Variants in ANKS1B observed in about 807,000 individuals in gnomAD.
ANKS1B encodes the protein ankyrin repeat and sterile alpha motif domain-containing protein 1B.
A neutral mutation model predicts 148.3 loss-of-function variants in ANKS1B; 36 were observed. That is an observed-to-expected ratio of 0.24 (90% CI 0.19 to 0.32). The LOEUF is 0.32. Ranked by LOEUF, ANKS1B falls within the 10% of genes least tolerant of loss-of-function variation. ANKS1B has a pLI of 1.00. For synonymous variants in ANKS1B, 542 were observed against 560.8 expected, an observed-to-expected ratio of 0.97 and a Z score of 0.47; for missense variants, 1,157 against 1,542.6, an observed-to-expected ratio of 0.75 and a Z score of 4.19.
intron 8 of ANKS1B, among the ~76,000 whole-genome samples, chr12:99,739,247 C>A (rs752862901): frequency 6.9e-6 from 1 of 144,946 alleles, no homozygotes; most frequent in Non-Finnish European, 1.5e-5. Flanking sequence ...CATCTAGTAT[C>A]TTGGGGCTTC....
chr12:99,480,618 G>C (rs1227194761), intron 10 of ANKS1B, among the ~76,000 whole-genome samples: 1 of 151,904 alleles, frequency 6.6e-6, no homozygotes, highest in Admixed American at 6.6e-5. Context: ...GTGTTAATTA[G>C]GCAGTGTCTC....
intron 16 of ANKS1B, among the ~76,000 whole-genome samples, chr12:99,063,071 A>G (rs1021287469): frequency 1.1e-4 from 16 of 152,110 alleles, no homozygotes; most frequent in Non-Finnish European, 2.4e-4. Flanking sequence ...TCAGATACAA[A>G]CACAGCAACC....
intron 25 of ANKS1B, among the ~76,000 whole-genome samples, chr12:98,765,777 G>A (rs1204417451): frequency 6.6e-6 from 1 of 152,176 alleles, no homozygotes; most frequent in African/African-American, 2.4e-5. Context: ...TGTATCTTTA[G>A]TAGAGACAGG....
intron 1 of ANKS1B, among the ~76,000 whole-genome samples, chr12:99,885,348 T>A (rs1217261248): frequency 1.3e-5 from 2 of 148,566 alleles, no homozygotes; most frequent in Admixed American, 1.4e-4. Flanking sequence ...TCACCCAGGC[T>A]GGAGTGCAGT....
chr12:99,583,315 G>T (rs1398234465), intron 9 of ANKS1B, among the ~76,000 whole-genome samples: 1 of 152,092 alleles, frequency 6.6e-6, no homozygotes, highest in Non-Finnish European at 1.5e-5. Context: ...GAATATAAAT[G>T]GAAGTATATA....
intron 4 of ANKS1B, among the ~76,000 whole-genome samples, chr12:99,801,363 T>C (rs2066931901): frequency 6.6e-6 from 1 of 152,142 alleles, no homozygotes; most frequent in Non-Finnish European, 1.5e-5. Flanking sequence ...GACAGTCGTA[T>C]CTCAGAGGTC....
chr12:99,410,340 TA>T (rs35507299), intron 11 of ANKS1B, among the ~76,000 whole-genome samples: 54 of 147,500 alleles, frequency 3.7e-4, no homozygotes, highest in Middle Eastern at 3.5e-3. Flanking sequence ...TGATCTTTTA[TA>T]AAAAAAAAAA....
intron 14 of ANKS1B, among the ~76,000 whole-genome samples, chr12:99,181,438 G>T (rs2079095285): frequency 6.6e-6 from 1 of 152,052 alleles, no homozygotes; most frequent in African/African-American, 2.4e-5. Context: ...ACAGCCTCAA[G>T]GTAAAAGATT....
chr12:99,938,240 G>A (rs1426686136), intron 1 of ANKS1B, among the ~76,000 whole-genome samples: 1 of 152,196 alleles, frequency 6.6e-6, no homozygotes, highest in Non-Finnish European at 1.5e-5. Context: ...TCTAGTTGCT[G>A]AAGCTGGCTC....
chr12:99,889,778 CT>C (rs903233974), intron 1 of ANKS1B, among the ~76,000 whole-genome samples: 1 of 152,140 alleles, frequency 6.6e-6, no homozygotes, highest in African/African-American at 2.4e-5. Flanking sequence ...AATCTACAAT[CT>C]TTTTAAAATA....
At chr12:98,912,673 C>T (rs570715490) in intron 17 of ANKS1B, among the ~76,000 whole-genome samples, 1 of 152,310 alleles carries the variant, frequency 6.6e-6, no homozygotes, top group South Asian at 2.1e-4. Context: ...TGGATGGAGA[C>T]TGGTGCTAAC....
At chr12:99,053,416 C>T in intron 16 of ANKS1B, 107 bp from the exon 17 acceptor site, 1 of 850,170 alleles carries the variant, frequency 1.2e-6, no homozygotes, top group Non-Finnish European at 1.6e-6. Flanking sequence ...ACAGATCTTT[C>T]TGGAGACGGA....
chr12:98,938,762 G>T (rs2099827458), intron 17 of ANKS1B, among the ~76,000 whole-genome samples: 1 of 152,204 alleles, frequency 6.6e-6, no homozygotes, highest in African/African-American at 2.4e-5. Context: ...GCAGAAACCA[G>T]AACAGTTTCT....
chr12:99,539,551 C>A (rs2097105572), intron 9 of ANKS1B, among the ~76,000 whole-genome samples: 1 of 151,712 alleles, frequency 6.6e-6, no homozygotes, highest in Admixed American at 6.6e-5. Context: ...CTATTTAATA[C>A]AAAGGAAGGC....
intron 10 of ANKS1B, among the ~76,000 whole-genome samples, chr12:99,446,129 G>A (rs2095633827): frequency 6.6e-6 from 1 of 151,888 alleles, no homozygotes; most frequent in Admixed American, 6.6e-5. Flanking sequence ...AAAAAACAGG[G>A]TGGGGTGGGG....
chr12:99,815,617 G>A (rs984686587), intron 2 of ANKS1B, among the ~76,000 whole-genome samples: 6 of 143,522 alleles, frequency 4.2e-5, no homozygotes, highest in Admixed American at 3.5e-4. Context: ...TGTTTCCAGC[G>A]TGTTGTGTTT....
In ANKS1B at chr12:98,888,348, G is replaced by T. The variant is rs992374502; in HGVS notation, c.2779-56212C>A. On this transcript the variant is annotated intron_variant, in intron 17 of 26. Transcript: ENST00000683438. The stretch of plus-strand genomic sequence containing the variant: ...ACATCTCTCCCTTTTTCTTCTTCCA[G>T]CCAAGTCACTATTATTTCTCACCTG... 2.6e-5 allele frequency among the ~76,000 whole-genome samples: 4 copies of T among 151,950 alleles called. No individual in the cohort carries two copies. The East Asian group carries it at 5.8e-4, about 22-fold the overall frequency.
At chr12:99,635,664 A>C (rs2098227039) in intron 9 of ANKS1B, among the ~76,000 whole-genome samples, 1 of 152,186 alleles carries the variant, frequency 6.6e-6, no homozygotes, top group Non-Finnish European at 1.5e-5. Context: ...TAATAAAAAA[A>C]CTTTGGAGAC....
chr12:99,471,873 A>G (rs1175192749), intron 10 of ANKS1B, among the ~76,000 whole-genome samples: 1 of 152,190 alleles, frequency 6.6e-6, no homozygotes, highest in Admixed American at 6.6e-5. Context: ...AAATTTACCC[A>G]GAAGAGTAAA....
Sources: gnomAD v4.1 joint callset for allele counts (sites outside exome capture counted in the v4.1 genomes callset) on GRCh38, gnomAD v4.1.1 for gene constraint, MANE v1.5 for transcripts, NCBI Gene and HGNC (gene_info 2026-07-23, HGNC 2026-07-21) for gene names.